TTC21B: variants seen among roughly 807,000 people sequenced by gnomAD.
TTC21B encodes the protein tetratricopeptide repeat domain 21B.
In TTC21B, 127 loss-of-function variants were observed where a neutral mutation model predicts 175.1. That is an observed-to-expected ratio of 0.73 (90% confidence interval 0.63 to 0.84). The LOEUF is 0.84. Among genes scored for constraint, TTC21B ranks in the 40% least tolerant of loss-of-function variants. The pLI, the probability that TTC21B is intolerant of heterozygous loss-of-function variation, is 0.00. For synonymous variants in TTC21B, 524 were observed against 524.5 expected (o/e 1.00, Z 0.01); for missense variants, 1,561 against 1,558.3 (o/e 1.00, Z -0.03).
rs1289500222 is a variant in TTC21B at position 165,888,270 on chromosome 2, T to C, written c.3459+9A>G. The stretch of plus-strand genomic sequence containing the variant: ...TACCACATGAAGCTGAAAAAGGAAA[T>C]CCACTAACCTCAGATGCTGCTATTT... On this transcript the variant is annotated intron_variant, in intron 25 of 28. Transcript: ENST00000243344. 2 of 1,602,514 alleles carry C rather than the reference T, an allele frequency of 1.2e-6. No individual in the cohort carries two copies. The highest frequency in any genetic ancestry group is 1.3e-5 in the African/African-American group (1 of 74,616).
At chr2:165,899,233 TTTC>T (rs1212153572) in intron 21 of TTC21B, among the ~76,000 whole-genome samples, 1 of 152,216 alleles carries the variant, frequency 6.6e-6, no homozygotes, top group Non-Finnish European at 1.5e-5. Context: ...ATTTCATATA[TTTC>T]TTTTTAACCA....
At chr2:165,904,265 G>A (rs1234668843) in intron 19 of TTC21B, among the ~76,000 whole-genome samples, 1 of 152,122 alleles carries the variant, frequency 6.6e-6, no homozygotes, top group Admixed American at 6.5e-5. Flanking sequence ...CAGAAAATAA[G>A]AGCTAAAATG....
rs1553514802 is a variant in TTC21B at position 165,934,517 on chromosome 2, A to AAAAAAAG, written c.711-1461_711-1460insCTTTTTT. On this transcript the variant is annotated intron_variant, in intron 6 of 28. Transcript: ENST00000243344. ...CTCTGTCTCAAAAAAAAAAAAAAAA[A>AAAAAAAG]AAAAGAAAAGAAACGAAACATGATG... is the stretch of plus-strand genomic sequence containing the variant. Among the ~76,000 whole-genome samples, 197 of 116,540 alleles carry AAAAAAAG rather than the reference A, an allele frequency of 1.7e-3. 2 individuals carry two copies. Among genetic ancestry groups the AAAAAAAG allele is most frequent in the African/African-American group, 6.1e-3 (189 of 31,092 alleles). 76.5% of individuals were successfully genotyped at this position (116,540 alleles called of 152,430 possible). A position where few individuals can be genotyped will look rare whatever the true frequency, so the allele number is the denominator to read the frequency against.
intron 7 of TTC21B, among the ~76,000 whole-genome samples, chr2:165,932,543 A>G (rs1267182529): frequency 6.6e-6 from 1 of 152,164 alleles, no homozygotes; most frequent in Admixed American, 6.5e-5. Flanking sequence ...TATGAGGTAT[A>G]ATGGGATTTT....
intron 10 of TTC21B, 149 bp from the exon 11 acceptor site, chr2:165,929,484 CAGA>C: frequency 1.1e-6 from 1 of 939,624 alleles, no homozygotes; most frequent in South Asian, 1.5e-5. Flanking sequence ...TAGAATCATT[CAGA>C]AGAATAAAGT....
chr2:165,888,413 T>A lies in TTC21B; in HGVS notation c.3325A>T (p.Lys1109Ter). The change falls in exon 25 of 29, where the codon AAG (lysine) becomes TAG (stop). Residue 1109 changes from lysine (K) to a stop codon, truncating the protein, a stop_gained. Transcript: ENST00000243344. LOFTEE classifies it high-confidence loss of function. ...TGAACAGTCTGAGGTTTTAGTTCCT[T>A]AAGAAGTTTTTCTGCTGTTCTTACT... is the stretch of plus-strand genomic sequence containing the variant. Reference protein sequence around the residue: ...LAVRTAEKLLKELKPQTVQGH... With the variant: ...LAVRTAEKLL 6.2e-7 allele frequency: 1 copy of A among 1,613,928 alleles called. No individual in the cohort carries two copies. Among genetic ancestry groups the A allele is most frequent in the Non-Finnish European group, 8.5e-7 (1 of 1,179,902 alleles).
chr2:165,942,655 C>T (rs1469864888), intron 5 of TTC21B, among the ~76,000 whole-genome samples: 1 of 152,168 alleles, frequency 6.6e-6, no homozygotes, highest in Non-Finnish European at 1.5e-5. Context: ...ATCATCTCCT[C>T]TATTTGAAAT....
At chr2:165,890,122 ATAAC>A (rs1315408404) in intron 24 of TTC21B, among the ~76,000 whole-genome samples, 1 of 152,206 alleles carries the variant, frequency 6.6e-6, no homozygotes, top group Non-Finnish European at 1.5e-5. Context: ...GGTCTGGAAA[ATAAC>A]TACCATTTGT....
intron 19 of TTC21B, among the ~76,000 whole-genome samples, chr2:165,903,461 C>A (rs988897042): frequency 6.6e-6 from 1 of 152,114 alleles, no homozygotes; most frequent in Non-Finnish European, 1.5e-5. Context: ...AGCTACTATG[C>A]CATGTTTATA....
intron 22 of TTC21B, among the ~76,000 whole-genome samples, chr2:165,898,043 A>G (rs6432852): frequency 0.45 from 68,393 of 151,998 alleles, 15,828 homozygotes; most frequent in South Asian, 0.54. Flanking sequence ...AATCCTTCAC[A>G]GAAAATTTGT....
chr2:165,880,793 A>G lies in TTC21B; in HGVS notation c.3691T>C (p.Cys1231Arg), dbSNP rs753271213. ...TATCCCATATATTCATAAGCTTTGC[A>G]GCAAGACTGAAGAAAAATGGGAGAC... ...KRCLRHNRSC[C>R]KAYEYMGYIM... is the part of the protein sequence containing the mutation. Residue 1231 changes from cysteine (C) to arginine (R), a missense_variant, in exon 27 of 29, where the codon TGC (cysteine) becomes CGC (arginine). Coordinates refer to ENST00000243344, the MANE Select transcript of TTC21B (RefSeq NM_024753.5). 1.2e-6 allele frequency: 2 copies of G among 1,612,400 alleles called. No individual in the cohort carries two copies. The highest frequency in any genetic ancestry group is 1.7e-6 in the Non-Finnish European group (2 of 1,179,504).
chr2:165,892,739 T>A (rs1685238340), intron 22 of TTC21B, among the ~76,000 whole-genome samples: 1 of 152,154 alleles, frequency 6.6e-6, no homozygotes, highest in Non-Finnish European at 1.5e-5. Context: ...GAGGAACTGG[T>A]GTACAGACTT....
In TTC21B at chr2:165,880,641, A is replaced by G. The variant is rs994336346; in HGVS notation, c.3805+38T>C. The G allele has an allele frequency of 2.5e-6, 4 of 1,610,736 alleles. No individual in the cohort carries two copies. The African/African-American group carries it at 5.3e-5, about 22-fold the overall frequency. On this transcript the variant is annotated intron_variant, in intron 27 of 28. Coordinates refer to ENST00000243344, the MANE Select transcript of TTC21B (RefSeq NM_024753.5). ...AATGAAAATTAATAAATACAACATA[A>G]TTTTTCTGTGAAAAATCTAGGTGAT...
At chr2:165,947,899 T>C (rs1268779111) in intron 3 of TTC21B, 1 of 152,210 alleles carries the variant, frequency 6.6e-6, no homozygotes, top group Non-Finnish European at 1.5e-5. Context: ...GTCCTGCAAA[T>C]CACAGTGTCC....
chr2:165,886,306 G>C (rs1684996264), intron 25 of TTC21B, among the ~76,000 whole-genome samples: 1 of 152,070 alleles, frequency 6.6e-6, no homozygotes, highest in African/African-American at 2.4e-5. Context: ...TGCAATTCTA[G>C]TATGGAATGT....
At chr2:165,902,016 C>A in intron 19 of TTC21B, 106 bp from the exon 20 acceptor site, 1 of 981,608 alleles carries the variant, frequency 1.0e-6, no homozygotes, top group South Asian at 1.5e-5. Context: ...ATTATGAACC[C>A]TTGATCTAAC....
intron 4 of TTC21B, among the ~76,000 whole-genome samples, chr2:165,944,754 T>A (rs1687490002): frequency 6.6e-6 from 1 of 152,174 alleles, no homozygotes; most frequent in South Asian, 2.1e-4. Flanking sequence ...TATCAACGTA[T>A]CCTGTATTCC....
chr2:165,952,929 T>C (rs917676420), intron 1 of TTC21B, among the ~76,000 whole-genome samples: 2 of 152,248 alleles, frequency 1.3e-5, no homozygotes, highest in African/African-American at 2.4e-5. Flanking sequence ...CAGTAAATAT[T>C]TGTTGAGTCA....
chr2:165,930,446 A>G (rs1224144564), intron 8 of TTC21B, 82 bp from the exon 9 acceptor site: 2 of 1,061,670 alleles, frequency 1.9e-6, no homozygotes, highest in African/African-American at 1.6e-5. Context: ...CTAAATATAT[A>G]TATTATTTGT....
Sources: allele counts gnomAD v4.1 joint callset (sites outside exome capture counted in the v4.1 genomes callset), GRCh38; gene constraint gnomAD v4.1.1; transcripts MANE v1.5; gene names NCBI Gene and HGNC (gene_info 2026-07-23, HGNC 2026-07-21).